CENPC: variants seen among roughly 807,000 people sequenced by gnomAD.
CENPC encodes centromere protein C, also known as CENP-C 1.
In CENPC, 63 loss-of-function variants were observed where a neutral mutation model predicts 112.1. The ratio of observed to expected loss-of-function variants is 0.56; its 90% CI spans 0.46 to 0.69. CENPC has a LOEUF of 0.69. Among genes scored for constraint, CENPC ranks in the 30% least tolerant of loss-of-function variants. The pLI is 0.00. For synonymous variants in CENPC, 333 were observed against 367.6 expected, an observed-to-expected ratio of 0.91 and a Z score of 1.08; for missense variants, 1,000 against 1,103.8, an observed-to-expected ratio of 0.91 and a Z score of 1.33.
At chr4:67,475,422 T>G (rs988606165) in intron 17 of CENPC, among the ~76,000 whole-genome samples, 3 of 152,182 alleles carry the variant, frequency 2.0e-5, no homozygotes, top group Non-Finnish European at 4.4e-5. Flanking sequence ...AAAACTGAGT[T>G]CTGCCAACAG....
chr4:67,480,137 T>C (rs1008316937), intron 17 of CENPC, among the ~76,000 whole-genome samples: 1 of 152,076 alleles, frequency 6.6e-6, no homozygotes, highest in Non-Finnish European at 1.5e-5. Flanking sequence ...CTGGCCAACA[T>C]GGCAAAACCC....
intron 8 of CENPC, among the ~76,000 whole-genome samples, chr4:67,513,685 T>TA (rs1466794304): frequency 6.6e-6 from 1 of 152,192 alleles, no homozygotes; most frequent in Non-Finnish European, 1.5e-5. Context: ...CAACAACTGT[T>TA]AGACACATGA....
intron 9 of CENPC, among the ~76,000 whole-genome samples, chr4:67,510,515 G>T (rs574959245): frequency 1.0e-3 from 158 of 152,254 alleles, no homozygotes; most frequent in African/African-American, 3.5e-3. Context: ...CAGGACTATG[G>T]TGAAGCAAGA....
intron 12 of CENPC, 104 bp from the exon 13 acceptor site, chr4:67,495,316 T>C: frequency 8.4e-6 from 9 of 1,069,374 alleles, no homozygotes; most frequent in Middle Eastern, 2.2e-4. Flanking sequence ...TAAATAAAGT[T>C]TGACCTGATA....
chr4:67,531,176 A>C (rs1037214743), intron 4 of CENPC, among the ~76,000 whole-genome samples: 2 of 152,318 alleles, frequency 1.3e-5, no homozygotes, highest in East Asian at 3.9e-4. Context: ...TGGACAGAAG[A>C]CTGAATAAAC....
Position 67,531,921 on chromosome 4 carries a change from T to G in CENPC, c.232-1007A>C, listed in dbSNP as rs993035996. Among the ~76,000 whole-genome samples the G allele has an allele frequency of 5.3e-5, 8 of 152,306 alleles. No individual in the cohort carries two copies. In the East Asian group the frequency reaches 1.4e-3, roughly 26 times the overall value. ...GGATCTAATTAAACTAAAGAGCTTT[T>G]GCACAGCAAAATAAACTACCATCAG... On this transcript the variant is annotated intron_variant, in intron 4 of 18. Transcript: ENST00000273853.
intron 17 of CENPC, among the ~76,000 whole-genome samples, chr4:67,479,961 G>A (rs1389119437): frequency 6.6e-6 from 1 of 152,146 alleles, no homozygotes; most frequent in African/African-American, 2.4e-5. Context: ...GGAAGAAATA[G>A]AAACTCTGAA....
chr4:67,534,668 C>T (rs1206663726), intron 4 of CENPC, among the ~76,000 whole-genome samples: 1 of 152,188 alleles, frequency 6.6e-6, no homozygotes, highest in Non-Finnish European at 1.5e-5. Context: ...GTCAGAAATA[C>T]TTACTAGGCC....
At chr4:67,529,557 C>T (rs190409959) in intron 5 of CENPC, among the ~76,000 whole-genome samples, 1 of 152,070 alleles carries the variant, frequency 6.6e-6, no homozygotes, top group Non-Finnish European at 1.5e-5. Flanking sequence ...AACTCCTGAC[C>T]TCAACTGATC....
chr4:67,478,306 C>A (rs1303957393), intron 17 of CENPC, among the ~76,000 whole-genome samples: 2 of 152,102 alleles, frequency 1.3e-5, no homozygotes, highest in African/African-American at 2.4e-5. Flanking sequence ...GCCAAAGCAT[C>A]AGGCAACCTA....
chr4:67,506,795 C>T lies in CENPC; in HGVS notation c.2044G>A (p.Glu682Lys). The change falls in exon 11 of 19, where the codon GAG becomes AAG. Residue 682 changes from glutamate to lysine, a missense_variant. Glu to Lys is a moderately conservative substitution (Grantham distance 56, BLOSUM62 1). Coordinates refer to ENST00000273853, the MANE Select transcript of CENPC (RefSeq NM_001812.4). The stretch of plus-strand genomic sequence containing the variant: ...CTTACAATACACGCATACCTTTCCT[C>T]TAAAACTGAAGTCTTATGCTCTCCA... ...DSGEHKTSVL[E>K]ESGPSRLNNN... 6.3e-7 allele frequency: 1 copy of T among 1,597,576 alleles called. No individual in the cohort carries two copies. Among genetic ancestry groups the T allele is most frequent in the Non-Finnish European group, 8.5e-7 (1 of 1,172,242 alleles).
At chr4:67,514,883 G>C (rs1266066947) in intron 7 of CENPC, among the ~76,000 whole-genome samples, 196 bp from the exon 8 acceptor site, 1 of 151,368 alleles carries the variant, frequency 6.6e-6, no homozygotes, top group Non-Finnish European at 1.5e-5. Context: ...TAATAGTAAT[G>C]ACATCACAAA....
chr4:67,485,489 T>A (rs1229749708), intron 17 of CENPC, among the ~76,000 whole-genome samples: 1 of 151,988 alleles, frequency 6.6e-6, no homozygotes, highest in Non-Finnish European at 1.5e-5. Flanking sequence ...TGTGATGGGA[T>A]CAGGAGGTGG....
intron 2 of CENPC, among the ~76,000 whole-genome samples, chr4:67,542,844 C>T (rs1409624878): frequency 1.3e-5 from 2 of 152,168 alleles, no homozygotes; most frequent in African/African-American, 4.8e-5. Flanking sequence ...TAAATACACT[C>T]CTGCTATTAC....
At chr4:67,544,799 T>G (rs182306772) in intron 1 of CENPC, among the ~76,000 whole-genome samples, 1 of 152,316 alleles carries the variant, frequency 6.6e-6, no homozygotes, top group Admixed American at 6.5e-5. Context: ...CCTCAAGAAC[T>G]GCATAAAAGG....
chr4:67,520,798 G>A (rs1256192051), intron 5 of CENPC, among the ~76,000 whole-genome samples: 1 of 152,122 alleles, frequency 6.6e-6, no homozygotes, highest in Non-Finnish European at 1.5e-5. Flanking sequence ...GATCACTGGA[G>A]GCCAGGAGTT....
In CENPC at chr4:67,492,162, T is replaced by C; in HGVS notation, c.2515+18A>G. 2.0e-6 allele frequency: 3 copies of C among 1,468,992 alleles called. No homozygotes were observed. The highest frequency in any genetic ancestry group is 2.8e-6 in the Non-Finnish European group (3 of 1,078,802). The allele number at this position is 1,468,992 out of a possible 1,614,324, so 91.0% of individuals were successfully genotyped here. On this transcript the variant is annotated intron_variant, in intron 16 of 18. Transcript: ENST00000273853. ...AAATTGTTTAATTAAGTATTTTCAG[T>C]ATCATGCCTGATCTTACCCATGAGA...
intron 17 of CENPC, among the ~76,000 whole-genome samples, chr4:67,477,542 G>A (rs1324338495): frequency 6.6e-6 from 1 of 152,134 alleles, no homozygotes; most frequent in Non-Finnish European, 1.5e-5. Context: ...TGGAACAAAT[G>A]AATCTGAACT....
At chr4:67,496,141 GGCCACATGGAAAA>G (rs1725425636) in intron 12 of CENPC, among the ~76,000 whole-genome samples, 1 of 152,168 alleles carries the variant, frequency 6.6e-6, no homozygotes, top group South Asian at 2.1e-4. Context: ...AACCTCATGT[GGCCACATGGAAAA>G]GCCACATGGA....
Sources: allele counts gnomAD v4.1 joint callset (sites outside exome capture counted in the v4.1 genomes callset), GRCh38; gene constraint gnomAD v4.1.1; transcripts MANE v1.5; gene names NCBI Gene and HGNC (gene_info 2026-07-23, HGNC 2026-07-21).